Variants in PLA2G7 observed in about 807,000 individuals in gnomAD.
The protein encoded by PLA2G7 is phospholipase A2 group VII.
In PLA2G7, 63 loss-of-function variants were observed where a neutral mutation model predicts 49.6. The observed-to-expected ratio is 1.27, with a 90% CI of 1.04 to 1.57. The LOEUF (loss-of-function observed/expected upper bound fraction) is 1.57, where lower values mean the gene tolerates loss of function less well. Ranked by LOEUF, PLA2G7 falls within the 40% of genes most tolerant of loss-of-function variation. The pLI, the probability that PLA2G7 is intolerant of heterozygous loss-of-function variation, is 0.00. For synonymous variants in PLA2G7, 193 were observed against 169.9 expected (o/e 1.14, Z -1.06); for missense variants, 596 against 521.2 (o/e 1.14, Z -1.40).
chr6:46,728,450 T>C (rs539425602), intron 1 of PLA2G7, among the ~76,000 whole-genome samples: 3 of 152,264 alleles, frequency 2.0e-5, no homozygotes, highest in Middle Eastern at 6.8e-3. Flanking sequence ...TCTAAGAAAA[T>C]GCTGGGGCAA....
chr6:46,720,276 A>C (rs1356471047), intron 2 of PLA2G7, among the ~76,000 whole-genome samples: 1 of 152,234 alleles, frequency 6.6e-6, no homozygotes, highest in East Asian at 1.9e-4. Flanking sequence ...TTCACCCAAC[A>C]CAAGCCTCCG....
chr6:46,717,270 G>A (rs1765241283), intron 2 of PLA2G7, among the ~76,000 whole-genome samples, 174 bp from the exon 3 acceptor site: 1 of 152,162 alleles, frequency 6.6e-6, no homozygotes, highest in Non-Finnish European at 1.5e-5. Context: ...GAAACACTGT[G>A]TAGGGGTTTT....
At chr6:46,734,482 GAGAGA>G (rs2150718365) in intron 1 of PLA2G7, among the ~76,000 whole-genome samples, 1 of 117,070 alleles carries the variant, frequency 8.5e-6, no homozygotes, top group South Asian at 2.9e-4. Context: ...GAGAGAGAGA[GAGAGA>G]GAGACGGAGA....
rs1765132499 is a variant in PLA2G7 at position 46,714,461 on chromosome 6, T to G, written c.469A>C (p.Arg157=). 1 of 1,596,204 alleles carries G rather than the reference T, an allele frequency of 6.3e-7. No homozygotes were observed. Residue 157 remains arginine, a splice_region_variant and synonymous_variant, in exon 5 of 12, where the codon AGG becomes CGG. Transcript: ENST00000274793. ...ATTGTTCAACCTCTCAAACATTACC[T>G]GAATGCCCCAAGACCATGAGAAAAA... ...VVFSHGLGAF[R]TLYSAIGIDL... is the part of the protein sequence containing the mutation.
At chr6:46,718,198 C>A (rs1349243727) in intron 2 of PLA2G7, among the ~76,000 whole-genome samples, 3 of 152,206 alleles carry the variant, frequency 2.0e-5, no homozygotes, top group Admixed American at 1.3e-4. Flanking sequence ...TTACACAGCT[C>A]CTGGAGGGAT....
At position 46,714,444 on chromosome 6, in the gene PLA2G7, A is replaced by G. The variant is rs779819273; in HGVS notation, c.470+16T>C. ...TATTCCTGGAAGCCAAAATTGTTCA[A>G]CCTCTCAAACATTACCTGAATGCCC... On this transcript the variant is annotated intron_variant, in intron 5 of 11. Transcript: ENST00000274793. 1.8e-5 allele frequency: 28 copies of G among 1,527,808 alleles called. No individual in the cohort carries two copies. Among genetic ancestry groups the G allele is most frequent in the Non-Finnish European group, 2.5e-5 (28 of 1,101,404 alleles). The allele number at this position is 1,527,808 out of a possible 1,614,324, so 94.6% of individuals were successfully genotyped here. A position where few individuals can be genotyped will look rare whatever the true frequency, so the allele number is the denominator to read the frequency against.
At chr6:46,733,920 G>T (rs1263370938) in intron 1 of PLA2G7, among the ~76,000 whole-genome samples, 2 of 152,200 alleles carry the variant, frequency 1.3e-5, no homozygotes, top group African/African-American at 4.8e-5. Flanking sequence ...AGTAATTTGT[G>T]CAAGCCTGAT....
chr6:46,705,561 A>G (rs570279493), intron 10 of PLA2G7, among the ~76,000 whole-genome samples: 1 of 152,310 alleles, frequency 6.6e-6, no homozygotes, highest in African/African-American at 2.4e-5. Context: ...TTTTAGAAGA[A>G]ATGATTCTTG....
At chr6:46,705,446 A>G (rs982105234) in intron 10 of PLA2G7, 145 bp from the exon 11 acceptor site, 3 of 681,230 alleles carry the variant, frequency 4.4e-6, no homozygotes, top group Non-Finnish European at 7.6e-6. Flanking sequence ...ATCTACTTAG[A>G]TGTGTTTCAA....
chr6:46,704,459 C>G lies in PLA2G7; in HGVS notation c.*101G>C. The G allele has an allele frequency of 1.7e-6, 1 of 598,534 alleles. No individual in the cohort carries two copies. The highest frequency in any genetic ancestry group is 3.0e-5 in the East Asian group (1 of 32,830). 37.1% of individuals were successfully genotyped at this position (598,534 alleles called of 1,614,324 possible). A position where few individuals can be genotyped will look rare whatever the true frequency, so the allele number is the denominator to read the frequency against. ...ATTAAAATTCTCTCTCTCTCTCTCT[C>G]TCTCTCTCTCTCTCTCTCTCACACA... is the stretch of plus-strand genomic sequence containing the variant. On this transcript the variant is annotated 3_prime_UTR_variant, in exon 12 of 12. Transcript: ENST00000274793.
chr6:46,729,712 G>A (rs371366516), intron 1 of PLA2G7, among the ~76,000 whole-genome samples: 1 of 152,246 alleles, frequency 6.6e-6, no homozygotes, highest in African/African-American at 2.4e-5. Context: ...TGGCTGTGGG[G>A]GCTGTCCTGT....
chr6:46,728,296 G>A (rs1277040807), intron 1 of PLA2G7, among the ~76,000 whole-genome samples: 1 of 152,126 alleles, frequency 6.6e-6, no homozygotes, highest in African/African-American at 2.4e-5. Flanking sequence ...GATATTTTTG[G>A]TTGCCACAAC....
In PLA2G7 at chr6:46,709,369, C is replaced by A. The variant is rs761791719; in HGVS notation, c.827G>T (p.Gly276Val). 41 of 1,608,252 alleles carry A rather than the reference C, an allele frequency of 2.5e-5. No individual in the cohort carries two copies. Among genetic ancestry groups the A allele is most frequent in the Non-Finnish European group, 3.1e-5 (36 of 1,175,292 alleles). ...ACTAAGAGTCTGAATAACCGTTGCT[C>A]CACCAAAAGAATGTCCAATTACTGC... ...KIAVIGHSFG[G>V]ATVIQTLSED... is the part of the protein sequence containing the mutation. The change falls in exon 9 of 12, where the codon GGA becomes GTA. Residue 276 changes from glycine to valine, a missense_variant. Physicochemically the swap from Gly to Val is moderately radical, Grantham distance 109 (BLOSUM62 -3). Coordinates refer to ENST00000274793, the MANE Select transcript of PLA2G7 (RefSeq NM_005084.4).
At position 46,708,051 on chromosome 6, in the gene PLA2G7, T is replaced by C; in HGVS notation, c.980A>G (p.Asn327Ser). The C allele has an allele frequency of 6.3e-7, 1 of 1,594,246 alleles. No individual in the cohort carries two copies. The highest frequency in any genetic ancestry group is 8.6e-7 in the Non-Finnish European group (1 of 1,162,152). The change falls in exon 10 of 12, where the codon AAT (asparagine) becomes AGT (serine). Residue 327 changes from asparagine to serine, a missense_variant. By Grantham distance (46) the Asn-to-Ser change is conservative. Coordinates refer to ENST00000274793, the MANE Select transcript of PLA2G7 (RefSeq NM_005084.4). ...GTAGCATTTTTTCATTTTTATGATA[T>C]TAGCAGGATATTGGAAATATTCAGA... The part of the protein sequence containing the change: ...INSEYFQYPA[N>S]IIKMKKCYSP...
In PLA2G7 at chr6:46,712,274, T is replaced by A. The variant is rs1345972117; in HGVS notation, c.534A>T (p.Glu178Asp). ...ASHGFIVAAV[E>D]HRDRSASATY... ...AATTATATCAGGTAACATACCTGTG[T>A]TCTACAGCAGCAACTATAAACCCAT... The change falls in exon 6 of 12, where the codon GAA becomes GAT. Residue 178 changes from glutamate (E) to aspartate (D), a missense_variant. Transcript: ENST00000274793. The A allele has an allele frequency of 1.2e-6, 2 of 1,607,692 alleles. No homozygotes were observed. The highest frequency in any genetic ancestry group is 2.7e-5 in the African/African-American group (2 of 74,742).
intron 1 of PLA2G7, among the ~76,000 whole-genome samples, chr6:46,725,421 G>A (rs185463626): frequency 4.3e-4 from 65 of 152,000 alleles, no homozygotes; most frequent in African/African-American, 1.3e-3. Flanking sequence ...TAGTAGAGAT[G>A]GGGTTTCACC....
rs865957744 is a variant in PLA2G7 at position 46,716,526 on chromosome 6, GC to G, written c.233del (p.Gly78AlafsTer44). On this transcript the variant is annotated frameshift_variant and splice_region_variant, in exon 4 of 12. Transcript: ENST00000274793. LOFTEE classifies it high-confidence loss of function. Reference sequence around the variant, plus strand: ...ATGGATAATATAAACGCAAGAAGGTGCCCTGTTAAGAAAGAAATTAATGCAC... The same window carrying G: ...ATGGATAATATAAACGCAAGAAGGTGCCTGTTAAGAAAGAAATTAATGCAC... ...TDLMFDHTNK[G>X]TFLRLYYPSQ... 6 of 1,613,312 alleles carry G rather than the reference GC, an allele frequency of 3.7e-6. No individual in the cohort carries two copies. The African/African-American group carries it at 5.3e-5, about 14-fold the overall frequency.
intron 5 of PLA2G7, among the ~76,000 whole-genome samples, chr6:46,713,788 A>G (rs1358243080): frequency 1.3e-5 from 2 of 152,156 alleles, no homozygotes; most frequent in Non-Finnish European, 2.9e-5. Flanking sequence ...GACCCTATCC[A>G]GCTCCTGCCC....
intron 10 of PLA2G7, among the ~76,000 whole-genome samples, chr6:46,705,519 T>C (rs922059003): frequency 2.0e-5 from 3 of 152,158 alleles, no homozygotes; most frequent in African/African-American, 7.2e-5. Context: ...GAAATACAAC[T>C]CAAAGAATCT....
Sources: allele counts gnomAD v4.1 joint callset (sites outside exome capture counted in the v4.1 genomes callset), GRCh38; gene constraint gnomAD v4.1.1; transcripts MANE v1.5; gene names NCBI Gene and HGNC (gene_info 2026-07-23, HGNC 2026-07-21).